DCC: variants seen among roughly 807,000 people sequenced by gnomAD.
DCC encodes netrin receptor DCC.
DCC carries 58 observed loss-of-function variants against 172.5 expected under a neutral mutation model. The observed-to-expected ratio is 0.34, with a 90% CI of 0.27 to 0.42. The LOEUF (loss-of-function observed/expected upper bound fraction) is 0.42. Ranked by LOEUF, DCC falls within the 10% of genes least tolerant of loss-of-function variation. The pLI is 1.00. For missense variants in DCC, 1,740 were observed against 1,791.0 expected (o/e 0.97, Z 0.51); for synonymous variants, 709 against 644.5 (o/e 1.10, Z -1.52).
At chr18:52,392,329 T>G (rs928052274) in intron 1 of DCC, among the ~76,000 whole-genome samples, 1 of 152,140 alleles carries the variant, frequency 6.6e-6, no homozygotes, top group Non-Finnish European at 1.5e-5. Flanking sequence ...GTCACTCTCA[T>G]GTTCAGTAAA....
chr18:52,860,245 A>T (rs1033321280), intron 2 of DCC, among the ~76,000 whole-genome samples: 23 of 152,248 alleles, frequency 1.5e-4, no homozygotes, highest in Non-Finnish European at 1.3e-4. Flanking sequence ...AGTGAACTTT[A>T]TAAGTAGTTC....
chr18:53,073,562 AT>A (rs1456937263), intron 7 of DCC, among the ~76,000 whole-genome samples: 2 of 152,196 alleles, frequency 1.3e-5, no homozygotes, highest in Non-Finnish European at 2.9e-5. Context: ...GAATAAAAAA[AT>A]AAATGCTGGT....
In DCC at chr18:53,312,352, AAAAAAAAAAAAG is replaced by A. The variant is rs1418374379; in HGVS notation, c.2053+6639_2053+6650del. Among the ~76,000 whole-genome samples the A allele has an allele frequency of 1.7e-4, 24 of 143,420 alleles. 2 individuals carry two copies. The highest frequency in any genetic ancestry group is 1.0e-3 in the East Asian group (5 of 4,808). 94.1% of individuals were successfully genotyped at this position (143,420 alleles called of 152,430 possible). A position where few individuals can be genotyped will look rare whatever the true frequency, so the allele number is the denominator to read the frequency against. On this transcript the variant is annotated intron_variant, in intron 13 of 28. Coordinates refer to ENST00000442544, the MANE Select transcript of DCC (RefSeq NM_005215.4). ...CCAGACTCTGTCTCAAAAAAAAAAA[AAAAAAAAAAAAG>A]AAAAAGAAAAAGATAAAGATTACCA...
chr18:52,547,349 G>C (rs895767637), intron 1 of DCC, among the ~76,000 whole-genome samples: 2 of 152,134 alleles, frequency 1.3e-5, no homozygotes, highest in African/African-American at 2.4e-5. Flanking sequence ...TTGGGAGAAG[G>C]AGGAAAATAT....
intron 27 of DCC, among the ~76,000 whole-genome samples, chr18:53,519,233 A>G (rs1178657648): frequency 1.3e-5 from 2 of 152,148 alleles, no homozygotes; most frequent in Non-Finnish European, 2.9e-5. Context: ...AAATTAGACT[A>G]TCGAGCCAAG....
intron 1 of DCC, among the ~76,000 whole-genome samples, chr18:52,391,594 A>G (rs1986032881): frequency 6.6e-6 from 1 of 152,128 alleles, no homozygotes; most frequent in Non-Finnish European, 1.5e-5. Flanking sequence ...TTGTCAGTGA[A>G]GGTTATCATC....
intron 12 of DCC, among the ~76,000 whole-genome samples, chr18:53,292,122 C>CCG (rs2057012541): frequency 6.6e-6 from 1 of 151,038 alleles, no homozygotes; most frequent in African/African-American, 2.5e-5. Context: ...CACCCCCCCC[C>CCG]CCTTTTTTCC....
At chr18:52,845,867 C>A (rs867910418) in intron 2 of DCC, among the ~76,000 whole-genome samples, 14 of 152,118 alleles carry the variant, frequency 9.2e-5, no homozygotes, top group Admixed American at 4.6e-4. Context: ...AGGTATTTAC[C>A]TTATTTGTGT....
chr18:53,349,448 T>A (rs2057762505), intron 15 of DCC, among the ~76,000 whole-genome samples: 1 of 152,220 alleles, frequency 6.6e-6, no homozygotes, highest in Admixed American at 6.5e-5. Context: ...AACCTCTGCC[T>A]GTTACCCAGT....
chr18:53,067,132 G>C (rs1268846879), intron 7 of DCC, among the ~76,000 whole-genome samples: 1 of 152,040 alleles, frequency 6.6e-6, no homozygotes, highest in Non-Finnish European at 1.5e-5. Flanking sequence ...CATATCAAAA[G>C]GATCTTGAAA....
intron 2 of DCC, among the ~76,000 whole-genome samples, chr18:52,759,893 T>C (rs2037131926): frequency 6.6e-6 from 1 of 152,216 alleles, no homozygotes; most frequent in African/African-American, 2.4e-5. Context: ...GGGAAAGCTT[T>C]ATATTTTTAT....
chr18:53,126,684 C>A (rs1021425561), intron 7 of DCC, among the ~76,000 whole-genome samples: 1 of 152,076 alleles, frequency 6.6e-6, no homozygotes, highest in Non-Finnish European at 1.5e-5. Context: ...GAAAACTGTT[C>A]ATCTTAAAGT....
intron 8 of DCC, among the ~76,000 whole-genome samples, chr18:53,172,672 G>C (rs2055031753): frequency 6.6e-6 from 1 of 151,990 alleles, no homozygotes; most frequent in Non-Finnish European, 1.5e-5. Flanking sequence ...TGAAGGTCTA[G>C]AAAAGATGCT....
intron 7 of DCC, among the ~76,000 whole-genome samples, chr18:53,096,353 A>G (rs1326548697): frequency 6.6e-6 from 1 of 152,096 alleles, no homozygotes; most frequent in African/African-American, 2.4e-5. Context: ...AGAATAAAAA[A>G]GAAGAGAAAA....
At chr18:52,970,464 T>C (rs2145585206) in intron 5 of DCC, among the ~76,000 whole-genome samples, 1 of 152,312 alleles carries the variant, frequency 6.6e-6, no homozygotes, top group African/African-American at 2.4e-5. Flanking sequence ...AAATGATTTC[T>C]AAGTATGTAT....
At chr18:52,462,682 G>A (rs1388357166) in intron 1 of DCC, among the ~76,000 whole-genome samples, 2 of 151,756 alleles carry the variant, frequency 1.3e-5, no homozygotes, top group Non-Finnish European at 2.9e-5. Context: ...GTCATACACC[G>A]TCTGTTTGTT....
At chr18:52,969,057 T>C (rs1358091426) in intron 5 of DCC, among the ~76,000 whole-genome samples, 1 of 152,128 alleles carries the variant, frequency 6.6e-6, no homozygotes, top group Non-Finnish European at 1.5e-5. Flanking sequence ...TTCTTCTTCC[T>C]CTAGTAGCCC....
intron 15 of DCC, among the ~76,000 whole-genome samples, chr18:53,371,307 C>G (rs1360930069): frequency 6.6e-6 from 1 of 151,890 alleles, no homozygotes; most frequent in Non-Finnish European, 1.5e-5. Flanking sequence ...CATCTCTTAC[C>G]TAAAGTTATT....
At chr18:53,227,104 A>ACC (rs2056045582) in intron 12 of DCC, among the ~76,000 whole-genome samples, 1 of 150,250 alleles carries the variant, frequency 6.7e-6, no homozygotes, top group Non-Finnish European at 1.5e-5. Context: ...GAGTGCCACC[A>ACC]CCCTAGCTAA....
Sources: allele counts gnomAD v4.1 joint callset (sites outside exome capture counted in the v4.1 genomes callset), GRCh38; gene constraint gnomAD v4.1.1; transcripts MANE v1.5; gene names NCBI Gene and HGNC (gene_info 2026-07-23, HGNC 2026-07-21).